PTPRD: variants seen among roughly 807,000 people sequenced by gnomAD.
PTPRD encodes the protein protein tyrosine phosphatase receptor type D.
A neutral mutation model predicts 214.5 loss-of-function variants in PTPRD; 34 were observed. The ratio of observed to expected loss-of-function variants is 0.16; its 90% confidence interval spans 0.12 to 0.21. The LOEUF is 0.21. PTPRD is among the 10% of genes least tolerant of loss of function. The pLI is 1.00. For missense variants in PTPRD, 2,545 were observed against 2,398.7 expected (o/e 1.06, Z -1.27); for synonymous variants, 1,128 against 845.7 (o/e 1.33, Z -5.79).
chr9:8,914,062 G>A (rs549494875), intron 11 of PTPRD, among the ~76,000 whole-genome samples: 3 of 152,166 alleles, frequency 2.0e-5, no homozygotes, highest in African/African-American at 4.8e-5. Context: ...TAATGAATAC[G>A]TACTAAAATT....
chr9:9,664,471 A>T (rs954686247), intron 7 of PTPRD, among the ~76,000 whole-genome samples: 1 of 151,628 alleles, frequency 6.6e-6, no homozygotes, highest in Non-Finnish European at 1.5e-5. Flanking sequence ...ATCTGCCCGG[A>T]CATGCAATTA....
intron 10 of PTPRD, among the ~76,000 whole-genome samples, chr9:9,145,948 C>T (rs542898792): frequency 1.3e-5 from 2 of 152,346 alleles, no homozygotes; most frequent in Admixed American, 6.5e-5. Flanking sequence ...AACACTCTAA[C>T]TGAAGATGTC....
At chr9:9,133,750 G>GT (rs1011962982) in intron 10 of PTPRD, among the ~76,000 whole-genome samples, 25 of 152,124 alleles carry the variant, frequency 1.6e-4, no homozygotes, top group South Asian at 4.1e-4. Flanking sequence ...CTTTTCAATT[G>GT]TTTTTTATCA....
intron 3 of PTPRD, among the ~76,000 whole-genome samples, chr9:10,314,429 G>C (rs2096364928): frequency 6.6e-6 from 1 of 151,854 alleles, no homozygotes; most frequent in Non-Finnish European, 1.5e-5. Context: ...AAATATAGCA[G>C]GAACAAGTAA....
Position 8,460,514 on chromosome 9 carries a change from G to T in PTPRD, c.3772C>A (p.Gln1258Lys). The T allele has an allele frequency of 6.2e-7, 1 of 1,613,564 alleles. No individual in the cohort carries two copies. Among genetic ancestry groups the T allele is most frequent in the Non-Finnish European group, 8.5e-7 (1 of 1,179,646 alleles). The change falls in exon 33 of 46, where the codon CAG becomes AAG. Residue 1258 changes from glutamine to lysine, a missense_variant. Coordinates refer to ENST00000381196, the MANE Select transcript of PTPRD (RefSeq NM_002839.4). The stretch of plus-strand genomic sequence containing the variant: ...CCTTCTTCTTCATCCGTGATTGGCT[G>T]CGGATCCAGATCCATTGACACCACG... Reference protein sequence around the residue: ...DPVVSMDLDPQPITDEEEGLI... With the variant: ...DPVVSMDLDPKPITDEEEGLI...
At chr9:8,355,804 G>T (rs559123404) in intron 39 of PTPRD, among the ~76,000 whole-genome samples, 1 of 152,192 alleles carries the variant, frequency 6.6e-6, no homozygotes, top group East Asian at 1.9e-4. Flanking sequence ...TAAGTCTGGG[G>T]TGGGACCAAA....
At chr9:9,587,229 G>A (rs1388956701) in intron 7 of PTPRD, among the ~76,000 whole-genome samples, 3 of 151,888 alleles carry the variant, frequency 2.0e-5, no homozygotes, top group African/African-American at 7.2e-5. Flanking sequence ...AATTATAATT[G>A]TTAATACTAA....
intron 9 of PTPRD, among the ~76,000 whole-genome samples, chr9:9,363,530 G>C (rs1354797297): frequency 6.6e-6 from 1 of 151,360 alleles, no homozygotes; most frequent in Admixed American, 6.6e-5. Flanking sequence ...TAGAACATTG[G>C]TGTAGTTTCA....
At chr9:9,597,236 C>G (rs2093421349) in intron 7 of PTPRD, among the ~76,000 whole-genome samples, 1 of 151,904 alleles carries the variant, frequency 6.6e-6, no homozygotes. Flanking sequence ...ACCTCCCCCA[C>G]CGCAGGATAT....
At chr9:9,141,312 A>G (rs2099860087) in intron 10 of PTPRD, among the ~76,000 whole-genome samples, 1 of 150,462 alleles carries the variant, frequency 6.6e-6, no homozygotes, top group South Asian at 2.1e-4. Context: ...CATTTCATGG[A>G]ACACGGCACC....
At chr9:8,923,673 C>T (rs189426093) in intron 11 of PTPRD, among the ~76,000 whole-genome samples, 1 of 152,256 alleles carries the variant, frequency 6.6e-6, no homozygotes, top group Admixed American at 6.5e-5. Flanking sequence ...AATCTTAAAT[C>T]TCTTTAAAAA....
intron 12 of PTPRD, among the ~76,000 whole-genome samples, chr9:8,705,959 T>G (rs2098197458): frequency 6.6e-6 from 1 of 152,198 alleles, no homozygotes; most frequent in Non-Finnish European, 1.5e-5. Flanking sequence ...GTCAGCACTG[T>G]ATCCATATGT....
At chr9:9,889,952 C>A (rs904563539) in intron 5 of PTPRD, among the ~76,000 whole-genome samples, 2 of 151,938 alleles carry the variant, frequency 1.3e-5, no homozygotes, top group African/African-American at 4.8e-5. Context: ...GGTGAATTAT[C>A]AGCAATCTGG....
At chr9:8,929,875 G>GTATATA (rs1555537402) in intron 11 of PTPRD, among the ~76,000 whole-genome samples, 2 of 68,970 alleles carry the variant, frequency 2.9e-5, no homozygotes, top group African/African-American at 1.1e-4. Flanking sequence ...ACATGTGTGT[G>GTATATA]TATATATGTG....
chr9:9,865,766 T>G (rs1296834299), intron 5 of PTPRD, among the ~76,000 whole-genome samples: 6 of 152,242 alleles, frequency 3.9e-5, no homozygotes, highest in African/African-American at 1.4e-4. Context: ...ATAAGCTATC[T>G]TGGGTATTTA....
At chr9:8,536,980 C>G (rs1046489799) in intron 14 of PTPRD, among the ~76,000 whole-genome samples, 12 of 151,960 alleles carry the variant, frequency 7.9e-5, no homozygotes, top group Non-Finnish European at 1.2e-4. Flanking sequence ...ACAAGGACCA[C>G]CATTTTCTTT....
chr9:10,174,452 C>A (rs1296532462), intron 3 of PTPRD, among the ~76,000 whole-genome samples: 1 of 152,044 alleles, frequency 6.6e-6, no homozygotes, highest in East Asian at 1.9e-4. Context: ...GAAATAGGGG[C>A]CCAATTTTTA....
intron 11 of PTPRD, among the ~76,000 whole-genome samples, chr9:8,903,511 C>G (rs1343259378): frequency 1.3e-5 from 2 of 152,152 alleles, no homozygotes; most frequent in Non-Finnish European, 2.9e-5. Context: ...CAATCACTTT[C>G]AAAAGCTTCA....
rs1474289312 is a variant in PTPRD, at chr9:8,497,233, A to G, written c.2349+9T>C. ...TCTGCTTTTGACAAAACAGTCAAAA[A>G]TTACTCACATGTTCAGTAGTATCAT... On this transcript the variant is annotated intron_variant, in intron 26 of 45. Transcript: ENST00000381196. 1 of 1,590,628 alleles carries G rather than the reference A, an allele frequency of 6.3e-7. No individual in the cohort carries two copies. Among genetic ancestry groups the G allele is most frequent in the Non-Finnish European group, 8.5e-7 (1 of 1,171,060 alleles).
Sources: allele counts gnomAD v4.1 joint callset (sites outside exome capture counted in the v4.1 genomes callset), GRCh38; gene constraint gnomAD v4.1.1; transcripts MANE v1.5; gene names NCBI Gene and HGNC (gene_info 2026-07-23, HGNC 2026-07-21).